The following CCDC92 variants were observed in gnomAD, a reference collection of about 807,000 sequenced individuals.
The protein encoded by CCDC92 is coiled-coil domain containing 92.
Under a neutral mutation model 24.9 loss-of-function variants are expected in CCDC92, and 12 were observed. That is an observed-to-expected ratio of 0.48 (90% CI 0.31 to 0.78). The LOEUF is 0.78. CCDC92 is among the 30% of genes least tolerant of loss of function. CCDC92 has a pLI of 0.05. For synonymous variants in CCDC92, 193 were observed against 196.3 expected, an observed-to-expected ratio of 0.98 and a Z score of 0.14; for missense variants, 399 against 439.4, an observed-to-expected ratio of 0.91 and a Z score of 0.82.
intron 4 of CCDC92, 70 bp downstream of exon 4, chr12:123,942,674 G>T (rs1342262819): frequency 7.5e-6 from 9 of 1,199,664 alleles, no homozygotes; most frequent in South Asian, 3.6e-5. Flanking sequence ...TGTGTGACTA[G>T]TGAAAACGGC....
At chr12:123,952,923 G>A (rs568070458) in intron 1 of CCDC92, among the ~76,000 whole-genome samples, 3 of 152,252 alleles carry the variant, frequency 2.0e-5, no homozygotes, top group South Asian at 2.1e-4. Context: ...AGTCAGAATC[G>A]TGGGTTCCAA....
At chr12:123,961,602 T>C (rs879813021) in intron 1 of CCDC92, among the ~76,000 whole-genome samples, 1 of 152,128 alleles carries the variant, frequency 6.6e-6, no homozygotes, top group African/African-American at 2.4e-5. Flanking sequence ...AAAGCTAAGT[T>C]TTTACTCAAT....
At chr12:123,969,979 T>C (rs1375543864) in intron 1 of CCDC92, 1 of 152,156 alleles carries the variant, frequency 6.6e-6, no homozygotes, top group Admixed American at 6.5e-5. Flanking sequence ...AAAAGAGTCT[T>C]TTAAAACACA....
In CCDC92 at chr12:123,935,637, A is replaced by AC; in HGVS notation, c.*1420_*1421insG. ...GCCACTTAAATCTCTTTCCATACAA[A>AC]TTAACCTGAATGGTTTTGTTTTTAA... On this transcript the variant is annotated 3_prime_UTR_variant, in exon 5 of 5. Coordinates refer to ENST00000238156, the MANE Select transcript of CCDC92 (RefSeq NM_025140.3). 1 of 747,284 alleles carries AC rather than the reference A, an allele frequency of 1.3e-6. No homozygotes were observed. The highest frequency in any genetic ancestry group is 3.4e-5 in the South Asian group (1 of 29,370). The allele number at this position is 747,284 out of a possible 1,614,324, so 46.3% of individuals were successfully genotyped here. A position where few individuals can be genotyped will look rare whatever the true frequency, so the allele number is the denominator to read the frequency against.
intron 1 of CCDC92, chr12:123,960,740 A>G (rs1023449055): frequency 6.6e-6 from 1 of 152,208 alleles, no homozygotes; most frequent in Admixed American, 6.5e-5. Context: ...AGCTAACTTT[A>G]TTAGAGTCAA....
Position 123,936,696 on chromosome 12 carries a change from G to C in CCDC92, c.*362C>G. The C allele has an allele frequency of 3.1e-6, 1 of 320,092 alleles. No homozygotes were observed. Among genetic ancestry groups the C allele is most frequent in the South Asian group, 3.9e-5 (1 of 25,462 alleles). 19.8% of individuals were successfully genotyped at this position (320,092 alleles called of 1,614,324 possible). On this transcript the variant is annotated 3_prime_UTR_variant, in exon 5 of 5. Transcript: ENST00000238156. The stretch of plus-strand genomic sequence containing the variant: ...GAGCTTGAGGATAAGGTCAAGGTTG[G>C]TATGTGTTGCTCCGACTTGAGAATG...
intron 1 of CCDC92, among the ~76,000 whole-genome samples, chr12:123,970,705 C>T (rs1370067194): frequency 6.6e-5 from 10 of 152,236 alleles, no homozygotes. Flanking sequence ...TATAATTAAT[C>T]TTAGTTACCA....
At chr12:123,950,212 T>C (rs1290592478) in intron 1 of CCDC92, among the ~76,000 whole-genome samples, 2 of 152,216 alleles carry the variant, frequency 1.3e-5, no homozygotes, top group African/African-American at 2.4e-5. Context: ...TTCCAAGTTG[T>C]GCACATCAAG....
intron 1 of CCDC92, among the ~76,000 whole-genome samples, chr12:123,952,779 G>A (rs1956058211): frequency 2.0e-5 from 3 of 152,224 alleles, no homozygotes; most frequent in Admixed American, 6.5e-5. Flanking sequence ...CGATTACAAA[G>A]TGGAAGCAAA....
At chr12:123,969,538 G>C (rs1379267253) in intron 1 of CCDC92, among the ~76,000 whole-genome samples, 2 of 144,994 alleles carry the variant, frequency 1.4e-5, no homozygotes, top group Non-Finnish European at 3.0e-5. Context: ...GCGTGATCTG[G>C]GCTCACTGCA....
Position 123,937,186 on chromosome 12 carries a change from C to T in CCDC92, c.868G>A (p.Gly290Arg), listed in dbSNP as rs1210262937. 16 of 1,609,718 alleles carry T rather than the reference C, an allele frequency of 9.9e-6. No homozygotes were observed. Among genetic ancestry groups the T allele is most frequent in the East Asian group, 4.5e-5 (2 of 44,838 alleles). ...AREKPHKAHV[G>R]VAHRIHHATP... ...GCGTGGTGGATCCGATGTGCCACCCCGACGTGGGCCTTGTGCGGCTTTTCG... is the reference window on the plus strand; with the variant it reads ...GCGTGGTGGATCCGATGTGCCACCCTGACGTGGGCCTTGTGCGGCTTTTCG... Residue 290 changes from glycine (G) to arginine (R), a missense_variant, in exon 5 of 5, where the codon GGG becomes AGG. By Grantham distance (125) the Gly-to-Arg change is moderately radical. Coordinates refer to ENST00000238156, the MANE Select transcript of CCDC92 (RefSeq NM_025140.3). This position sits in a 1 kb window ranked among gnomAD's most constrained non-coding sequence, Gnocchi z 8.4.
chr12:123,970,964 G>C (rs541425091), intron 1 of CCDC92, among the ~76,000 whole-genome samples: 88 of 151,988 alleles, frequency 5.8e-4, no homozygotes, highest in Non-Finnish European at 1.0e-3. Flanking sequence ...ATCCAATTTT[G>C]CAATTTATCC....
intron 4 of CCDC92, among the ~76,000 whole-genome samples, chr12:123,938,762 G>C (rs1252253146): frequency 1.3e-5 from 2 of 152,202 alleles, no homozygotes; most frequent in East Asian, 3.9e-4. Context: ...GTGTCCGTCA[G>C]ACACACCCTC....
In CCDC92 at chr12:123,937,044, G is replaced by A. The variant is rs755708690; in HGVS notation, c.*14C>T. 67 of 1,613,330 alleles carry A rather than the reference G, an allele frequency of 4.2e-5. No individual in the cohort carries two copies. The Admixed American group carries it at 5.5e-4, about 13-fold the overall frequency. ...CACAGTGCATGGACAGCGCGGGGTG[G>A]GGCACGGCGGGCTTCACACAGTTCT... On this transcript the variant is annotated 3_prime_UTR_variant, in exon 5 of 5. Transcript: ENST00000238156. This position sits in a 1 kb window ranked among gnomAD's most constrained non-coding sequence, Gnocchi z 8.4.
intron 1 of CCDC92, among the ~76,000 whole-genome samples, chr12:123,969,593 C>T (rs1305738567): frequency 1.3e-5 from 2 of 151,118 alleles, no homozygotes; most frequent in Non-Finnish European, 1.5e-5. Context: ...CTCAGCCTCC[C>T]GAGTAGCTGG....
At chr12:123,966,087 T>G (rs951748045) in intron 1 of CCDC92, 2 of 152,208 alleles carry the variant, frequency 1.3e-5, no homozygotes, top group African/African-American at 4.8e-5. Context: ...ACTTCTGAAA[T>G]ATTTTATTTC....
chr12:123,955,672 CAG>C (rs1467355332), intron 1 of CCDC92, among the ~76,000 whole-genome samples: 2 of 151,870 alleles, frequency 1.3e-5, no homozygotes, highest in Non-Finnish European at 2.9e-5. Context: ...GGGGGGGAGA[CAG>C]GGTTTCTCTA....
chr12:123,966,009 G>A (rs2138195598), intron 1 of CCDC92: 1 of 152,338 alleles, frequency 6.6e-6, no homozygotes, highest in East Asian at 1.9e-4. Flanking sequence ...GTTTTCATGT[G>A]AATGCTTTAG....
intron 3 of CCDC92, 138 bp downstream of exon 3, chr12:123,943,209 G>T: frequency 1.2e-6 from 1 of 838,134 alleles, no homozygotes; most frequent in Non-Finnish European, 1.8e-6. Flanking sequence ...ATGCAATGAG[G>T]ATGATATAAG....
Sources: gnomAD v4.1 joint callset for allele counts (sites outside exome capture counted in the v4.1 genomes callset) on GRCh38, gnomAD v4.1.1 for gene constraint, Gnocchi (gnomAD v3.1) non-coding constraint, MANE v1.5 for transcripts, NCBI Gene and HGNC (gene_info 2026-07-23, HGNC 2026-07-21) for gene names.